AEBP2: variants seen among roughly 807,000 people sequenced by gnomAD.
The protein encoded by AEBP2 is AE binding protein 2.
A neutral mutation model predicts 50.8 loss-of-function variants in AEBP2; 10 were observed. The observed-to-expected ratio is 0.20, with a 90% CI of 0.12 to 0.33. AEBP2 has a LOEUF of 0.33. Among genes scored for constraint, AEBP2 ranks in the 10% least tolerant of loss-of-function variants. The pLI, the probability that AEBP2 is intolerant of heterozygous loss-of-function variation, is 1.00. For missense variants in AEBP2, 570 were observed against 688.0 expected (o/e 0.83, Z 1.92); for synonymous variants, 296 against 261.3 (o/e 1.13, Z -1.28).
Position 19,468,365 on chromosome 12 carries a change from C to T in AEBP2, c.880-4883C>T, listed in dbSNP as rs909344166. The stretch of plus-strand genomic sequence containing the variant: ...ATTTTACTGAAAACAAGATCATTTA[C>T]TCAGTATAATTAGGCCTTTATTTTG... On this transcript the variant is annotated intron_variant, in intron 2 of 7. Coordinates refer to ENST00000266508, the MANE Select transcript of AEBP2 (RefSeq NM_153207.5). 3.9e-5 allele frequency among the ~76,000 whole-genome samples: 6 copies of T among 152,054 alleles called. No homozygotes were observed. In the South Asian group the frequency reaches 1.0e-3, roughly 26 times the overall value.
intron 5 of AEBP2, among the ~76,000 whole-genome samples, chr12:19,502,401 T>G (rs1341180808): frequency 5.9e-5 from 9 of 152,168 alleles, no homozygotes; most frequent in Admixed American, 5.9e-4. Context: ...CCCAAAGTGC[T>G]GGGATTACAG....
intron 1 of AEBP2, among the ~76,000 whole-genome samples, chr12:19,460,391 G>A (rs192676635): frequency 1.3e-5 from 2 of 152,130 alleles, no homozygotes; most frequent in East Asian, 1.9e-4. Context: ...GCCCAGGCTC[G>A]AGTGCAGTGG....
chr12:19,433,007 C>G (rs536463177), intron 1 of AEBP2, among the ~76,000 whole-genome samples: 1 of 152,130 alleles, frequency 6.6e-6, no homozygotes, highest in South Asian at 2.1e-4. Context: ...CTTACAATTA[C>G]CTATAGCATC....
At chr12:19,475,952 A>G (rs1178907678) in intron 3 of AEBP2, among the ~76,000 whole-genome samples, 1 of 152,070 alleles carries the variant, frequency 6.6e-6, no homozygotes, top group East Asian at 1.9e-4. Context: ...TAGTTTGCAA[A>G]TATTTTCTCC....
At chr12:19,482,133 T>C (rs1038936733) in intron 3 of AEBP2, among the ~76,000 whole-genome samples, 3 of 152,158 alleles carry the variant, frequency 2.0e-5, no homozygotes, top group African/African-American at 7.2e-5. Context: ...CCTCTAGGGA[T>C]GGGGCTTCCT....
intron 3 of AEBP2, among the ~76,000 whole-genome samples, chr12:19,482,860 G>A (rs1948750602): frequency 6.6e-6 from 1 of 152,136 alleles, no homozygotes. Flanking sequence ...GTTCACCAGG[G>A]AAGTGGGGGG....
chr12:19,445,859 A>G (rs1319848073), intron 1 of AEBP2: 1 of 152,158 alleles, frequency 6.6e-6, no homozygotes, highest in Non-Finnish European at 1.5e-5. Context: ...TGTTTTTAAT[A>G]TGTACGTGCA....
chr12:19,503,050 G>A (rs1284501445), intron 5 of AEBP2, among the ~76,000 whole-genome samples: 3 of 152,140 alleles, frequency 2.0e-5, no homozygotes, highest in Non-Finnish European at 2.9e-5. Flanking sequence ...TGTTCTTTTT[G>A]CTTAGGATTG....
chr12:19,486,696 A>G (rs948255528), intron 3 of AEBP2, among the ~76,000 whole-genome samples: 10 of 152,156 alleles, frequency 6.6e-5, no homozygotes, highest in Admixed American at 4.6e-4. Flanking sequence ...TTTGGCTACT[A>G]TTAACCAAGT....
At chr12:19,427,659 G>T (rs1395752718) in intron 1 of AEBP2, among the ~76,000 whole-genome samples, 3 of 152,118 alleles carry the variant, frequency 2.0e-5, no homozygotes, top group East Asian at 3.9e-4. Context: ...CCTAAAACAA[G>T]GAGGCAAAAA....
intron 3 of AEBP2, among the ~76,000 whole-genome samples, chr12:19,489,115 C>T (rs186523639): frequency 1.3e-5 from 2 of 152,256 alleles, no homozygotes; most frequent in East Asian, 1.9e-4. Context: ...TAGGGTATTT[C>T]AGTGGGAGAC....
At position 19,412,894 on chromosome 12, in the gene AEBP2, C is replaced by T. The variant is rs547223916; in HGVS notation, c.-17+8678C>T. The stretch of plus-strand genomic sequence containing the variant: ...GCCTCCCCGGGGGCCCGGTCCCTGG[C>T]GCTGCCCTGGCGGCCTCATGGCCGG... On this transcript the variant is annotated intron_variant, in intron 1 of 3. Transcript: ENST00000538425. Among the ~76,000 whole-genome samples the T allele has an allele frequency of 3.3e-5, 5 of 152,318 alleles. No individual in the cohort carries two copies. In the South Asian group the frequency reaches 8.3e-4, roughly 25 times the overall value.
chr12:19,494,270 A>C (rs557210968), intron 4 of AEBP2, among the ~76,000 whole-genome samples: 8 of 152,150 alleles, frequency 5.3e-5, no homozygotes, highest in Non-Finnish European at 1.0e-4. Context: ...TATTTCTAGA[A>C]ATATTTTAGA....
intron 1 of AEBP2, chr12:19,456,728 AGTTTCACT>A (rs893538670): frequency 6.3e-7 from 1 of 1,590,046 alleles, no homozygotes; most frequent in Non-Finnish European, 8.6e-7. Context: ...CCCCAGAAAG[AGTTTCACT>A]CAAAGCTTCA....
intron 1 of AEBP2, chr12:19,456,578 T>G (rs1172508946): frequency 1.8e-5 from 27 of 1,539,702 alleles, no homozygotes; most frequent in Middle Eastern, 2.3e-4. Context: ...CAGCACTTAT[T>G]TGGCCTGGAA....
intron 5 of AEBP2, among the ~76,000 whole-genome samples, chr12:19,501,797 G>GTTTGTTTTTTTTTTTTT (rs60750234): frequency 2.8e-5 from 2 of 70,870 alleles, no homozygotes; most frequent in Non-Finnish European, 5.4e-5. Flanking sequence ...AAATGAGTTT[G>GTTTGTTTTTTTTTTTTT]TTTTTTTTTT....
chr12:19,429,518 G>GT (rs1350599112), intron 1 of AEBP2, among the ~76,000 whole-genome samples: 1 of 152,180 alleles, frequency 6.6e-6, no homozygotes, highest in Admixed American at 6.5e-5. Context: ...GGGTCAAATG[G>GT]TATTTCTAGT....
chr12:19,454,073 A>C (rs1256880216), intron 1 of AEBP2, among the ~76,000 whole-genome samples: 1 of 151,888 alleles, frequency 6.6e-6, no homozygotes, highest in African/African-American at 2.4e-5. Context: ...TTTTTTAAAA[A>C]TGGAGACGGG....
At chr12:19,416,049 G>A (rs1207363949) in intron 1 of AEBP2, among the ~76,000 whole-genome samples, 1 of 152,170 alleles carries the variant, frequency 6.6e-6, no homozygotes, top group Non-Finnish European at 1.5e-5. Flanking sequence ...GGGCATGGTG[G>A]TGCGTGCCTG....
Sources: allele counts gnomAD v4.1 joint callset (sites outside exome capture counted in the v4.1 genomes callset), GRCh38; gene constraint gnomAD v4.1.1; transcripts MANE v1.5; gene names NCBI Gene and HGNC (gene_info 2026-07-23, HGNC 2026-07-21).